The following IPCEF1 variants were observed in gnomAD, a reference collection of about 807,000 sequenced individuals.
The protein encoded by IPCEF1 is interactor protein for cytohesin exchange factors 1.
In IPCEF1, 31 loss-of-function variants were observed where a neutral mutation model predicts 50.9. The observed-to-expected ratio is 0.61, with a 90% CI of 0.46 to 0.82. IPCEF1 has a LOEUF of 0.82. Ranked by LOEUF, IPCEF1 falls within the 40% of genes least tolerant of loss-of-function variation. The probability of loss-of-function intolerance (pLI) is 0.00; values close to 1 mark genes in which losing one functional copy is unlikely to be tolerated. For synonymous variants in IPCEF1, 181 were observed against 192.0 expected (o/e 0.94, Z 0.47); for missense variants, 458 against 514.0 (o/e 0.89, Z 1.05).
At chr6:154,354,412 A>ATCTCCT (rs1232705156) in intron 1 of IPCEF1, among the ~76,000 whole-genome samples, 38 of 149,424 alleles carry the variant, frequency 2.5e-4, no homozygotes, top group Admixed American at 5.3e-4. Context: ...CATCTCCACC[A>ATCTCCT]CCACCTCCAC....
At chr6:154,282,217 C>T (rs1782235203) in intron 2 of IPCEF1, among the ~76,000 whole-genome samples, 1 of 152,120 alleles carries the variant, frequency 6.6e-6, no homozygotes, top group South Asian at 2.1e-4. Flanking sequence ...TTGCAGGGTT[C>T]TGATCTGACA....
At chr6:154,246,862 T>C (rs1370779370) in intron 4 of IPCEF1, 102 bp from the exon 5 acceptor site, 3 of 1,346,610 alleles carry the variant, frequency 2.2e-6, no homozygotes, top group Non-Finnish European at 2.9e-6. Flanking sequence ...CTTTTAATTG[T>C]TAACCCCCCG....
intron 2 of IPCEF1, among the ~76,000 whole-genome samples, chr6:154,287,885 A>G (rs1023966190): frequency 8.5e-5 from 13 of 152,270 alleles, no homozygotes; most frequent in Admixed American, 6.5e-5. Flanking sequence ...TATAAAAAGC[A>G]TCACTTAAAA....
At chr6:154,160,898 C>A (rs952930601) in intron 11 of IPCEF1, among the ~76,000 whole-genome samples, 1 of 152,168 alleles carries the variant, frequency 6.6e-6, no homozygotes, top group Non-Finnish European at 1.5e-5. Context: ...CCTCCAATGC[C>A]CACTTCAACT....
intron 2 of IPCEF1, among the ~76,000 whole-genome samples, chr6:154,288,427 G>A (rs189786549): frequency 1.1e-4 from 16 of 152,264 alleles, no homozygotes; most frequent in African/African-American, 3.9e-4. Context: ...ACTTTGGGAG[G>A]CCGAGGCGGG....
chr6:154,209,266 GA>G (rs869144868), intron 9 of IPCEF1, among the ~76,000 whole-genome samples: 4 of 152,052 alleles, frequency 2.6e-5, no homozygotes, highest in South Asian at 4.2e-4. Context: ...AAAACTTGGG[GA>G]AAAAAATATT....
chr6:154,329,525 A>G (rs938954167), intron 1 of IPCEF1, among the ~76,000 whole-genome samples: 5 of 151,978 alleles, frequency 3.3e-5, no homozygotes, highest in African/African-American at 1.2e-4. Flanking sequence ...TGAGCCCAGG[A>G]GGCTGCAGTG....
intron 2 of IPCEF1, among the ~76,000 whole-genome samples, chr6:154,270,626 T>A (rs1019114426): frequency 2.0e-5 from 3 of 152,222 alleles, no homozygotes; most frequent in Non-Finnish European, 4.4e-5. Context: ...CTGAATAAAA[T>A]TTTTTGGCTT....
intron 1 of IPCEF1, among the ~76,000 whole-genome samples, chr6:154,315,177 C>T (rs1006879521): frequency 5.3e-5 from 8 of 152,198 alleles, no homozygotes; most frequent in African/African-American, 1.7e-4. Context: ...GCCACCATGC[C>T]TAGCCCACTA....
chr6:154,312,980 G>T (rs1183379001), intron 1 of IPCEF1, among the ~76,000 whole-genome samples: 5 of 147,200 alleles, frequency 3.4e-5, no homozygotes, highest in African/African-American at 1.3e-4. Flanking sequence ...CGGAGGGTAA[G>T]GTGGGAAGAT....
At chr6:154,247,192 T>A in intron 4 of IPCEF1, 1 of 506,000 alleles carries the variant, frequency 2.0e-6, no homozygotes. Context: ...AATGCCCACC[T>A]CAATACACAG....
chr6:154,167,862 A>C (rs1374935711), intron 11 of IPCEF1, 58 bp downstream of exon 11: 1 of 1,305,892 alleles, frequency 7.7e-7, no homozygotes, highest in South Asian at 1.5e-5. Flanking sequence ...TCTCTGCAGA[A>C]CCAGCCGTTC....
intron 11 of IPCEF1, among the ~76,000 whole-genome samples, chr6:154,162,033 A>T (rs118173674): frequency 6.6e-6 from 1 of 152,322 alleles, no homozygotes; most frequent in Non-Finnish European, 1.5e-5. Context: ...GGAAGCCATC[A>T]GAAGAGCACT....
intron 1 of IPCEF1, among the ~76,000 whole-genome samples, chr6:154,332,948 G>A (rs1435392962): frequency 6.6e-6 from 1 of 152,106 alleles, no homozygotes; most frequent in Non-Finnish European, 1.5e-5. Flanking sequence ...AGGGGATCTT[G>A]GTCAGAGAGA....
At position 154,199,761 on chromosome 6, in the gene IPCEF1, A is replaced by G; in HGVS notation, c.817T>C (p.Ser273Pro). ...GAAGAAGTATCATCACTAGATAAAGAGTTCAAAAATCCACTTTCTGATGTG... is the reference window on the plus strand; with the variant it reads ...GAAGAAGTATCATCACTAGATAAAGGGTTCAAAAATCCACTTTCTGATGTG... ...FVTSESGFLN[S>P]LSSDDTSSLS... Residue 273 changes from serine (S) to proline (P), a missense_variant, in exon 10 of 12, where the codon TCT (serine) becomes CCT (proline). Ser to Pro is a moderately conservative substitution (Grantham distance 74). Coordinates refer to ENST00000367220, the MANE Select transcript of IPCEF1 (RefSeq NM_001130700.2). 6.2e-7 allele frequency: 1 copy of G among 1,614,248 alleles called. No individual in the cohort carries two copies. Among genetic ancestry groups the G allele is most frequent in the Non-Finnish European group, 8.5e-7 (1 of 1,180,038 alleles).
rs1798650455 is a variant in IPCEF1 at position 154,154,899 on chromosome 6, A to G, written c.*4929T>C. Reference sequence around the variant, plus strand: ...GCCCCCAAACACCATGCAGTGCTAAAAGTCACATTCCCATCATGCAAGCAC... The same window carrying G: ...GCCCCCAAACACCATGCAGTGCTAAGAGTCACATTCCCATCATGCAAGCAC... On this transcript the variant is annotated 3_prime_UTR_variant, in exon 12 of 12. Transcript: ENST00000367220. 6.6e-6 allele frequency: 1 copy of G among 152,526 alleles called. No individual in the cohort carries two copies. The highest frequency in any genetic ancestry group is 2.4e-5 in the African/African-American group (1 of 41,404). 9.4% of individuals were successfully genotyped at this position (152,526 alleles called of 1,614,324 possible).
intron 1 of IPCEF1, among the ~76,000 whole-genome samples, chr6:154,351,837 A>G (rs1410216892): frequency 1.3e-5 from 2 of 152,220 alleles, no homozygotes; most frequent in African/African-American, 2.4e-5. Flanking sequence ...TTGCAGGGAC[A>G]TGGATGGAGC....
At chr6:154,215,245 T>C (rs1434982877) in intron 7 of IPCEF1, among the ~76,000 whole-genome samples, 2 of 152,168 alleles carry the variant, frequency 1.3e-5, no homozygotes, top group African/African-American at 4.8e-5. Flanking sequence ...GTCAGATAAT[T>C]AGGAATCCTT....
intron 2 of IPCEF1, among the ~76,000 whole-genome samples, chr6:154,286,925 G>C (rs757068932): frequency 6.6e-6 from 1 of 152,192 alleles, no homozygotes; most frequent in Non-Finnish European, 1.5e-5. Context: ...CTTCAGTGTT[G>C]AAGGAGGGGC....
Sources: allele counts gnomAD v4.1 joint callset (sites outside exome capture counted in the v4.1 genomes callset), GRCh38; gene constraint gnomAD v4.1.1; transcripts MANE v1.5; gene names NCBI Gene and HGNC (gene_info 2026-07-23, HGNC 2026-07-21).